KCNAB1: variants seen among roughly 807,000 people sequenced by gnomAD.
The protein encoded by KCNAB1 is voltage-gated potassium channel subunit beta-1.
KCNAB1 carries 35 observed loss-of-function variants against 64.6 expected under a neutral mutation model. The ratio of observed to expected loss-of-function variants is 0.54; its 90% CI spans 0.41 to 0.72. The LOEUF (loss-of-function observed/expected upper bound fraction) is 0.72. Among genes scored for constraint, KCNAB1 ranks in the 30% least tolerant of loss-of-function variants. KCNAB1 has a pLI of 0.00. For missense variants in KCNAB1, 401 were observed against 512.9 expected (o/e 0.78, Z 2.11); for synonymous variants, 177 against 183.8 (o/e 0.96, Z 0.30).
At chr3:156,285,159 G>C (rs574546754) in intron 1 of KCNAB1, among the ~76,000 whole-genome samples, 1 of 152,184 alleles carries the variant, frequency 6.6e-6, no homozygotes, top group Admixed American at 6.5e-5. Flanking sequence ...TAATATTAGT[G>C]ATATATAAAA....
intron 1 of KCNAB1, among the ~76,000 whole-genome samples, chr3:156,374,400 T>TC (rs1352234732): frequency 2.2e-5 from 3 of 137,888 alleles, no homozygotes; most frequent in East Asian, 1.9e-4. Context: ...CCTGAGCTAT[T>TC]TCAGTGTTGA....
chr3:156,127,402 A>G (rs971774034), intron 1 of KCNAB1, among the ~76,000 whole-genome samples: 3 of 152,358 alleles, frequency 2.0e-5, no homozygotes, highest in African/African-American at 7.2e-5. Flanking sequence ...GTCACATAGA[A>G]GTATTATTTT....
At chr3:156,122,241 T>C (rs1490659863) in intron 1 of KCNAB1, among the ~76,000 whole-genome samples, 1 of 152,240 alleles carries the variant, frequency 6.6e-6, no homozygotes, top group Non-Finnish European at 1.5e-5. Context: ...ATATCTCATA[T>C]TTCAAACTAT....
chr3:156,529,701 A>G (rs927923259), intron 12 of KCNAB1, among the ~76,000 whole-genome samples: 1 of 152,234 alleles, frequency 6.6e-6, no homozygotes, highest in Admixed American at 6.5e-5. Flanking sequence ...TAGGAGGAAT[A>G]ATCAACTGGA....
intron 1 of KCNAB1, among the ~76,000 whole-genome samples, chr3:156,344,357 G>C (rs1437684994): frequency 6.6e-6 from 1 of 152,080 alleles, no homozygotes; most frequent in Non-Finnish European, 1.5e-5. Flanking sequence ...CTCCTCGCCT[G>C]CCGAGAGCCA....
intron 8 of KCNAB1, among the ~76,000 whole-genome samples, chr3:156,482,659 CT>C (rs1714916249): frequency 1.3e-5 from 2 of 152,160 alleles, no homozygotes; most frequent in South Asian, 4.2e-4. Flanking sequence ...GCCAATTGAT[CT>C]TAGGCAAGTT....
intron 1 of KCNAB1, among the ~76,000 whole-genome samples, chr3:156,289,701 GTGAA>G (rs977875636): frequency 1.8e-4 from 27 of 152,322 alleles, no homozygotes; most frequent in African/African-American, 6.3e-4. Flanking sequence ...GTTGTGGAGA[GTGAA>G]TGATGAGATT....
chr3:156,213,404 G>C (rs912611434), intron 1 of KCNAB1, among the ~76,000 whole-genome samples: 3 of 152,106 alleles, frequency 2.0e-5, no homozygotes, highest in African/African-American at 7.2e-5. Flanking sequence ...TGTAGAGACA[G>C]GGTCTCACTA....
chr3:156,303,566 CA>C (rs946479900), intron 1 of KCNAB1, among the ~76,000 whole-genome samples: 3 of 152,138 alleles, frequency 2.0e-5, no homozygotes, highest in African/African-American at 7.2e-5. Flanking sequence ...GGAAGCAAAG[CA>C]TGGGTTAGAA....
chr3:156,472,028 G>T (rs543241928), intron 7 of KCNAB1, among the ~76,000 whole-genome samples: 21 of 152,256 alleles, frequency 1.4e-4, no homozygotes, highest in Non-Finnish European at 2.6e-4. Flanking sequence ...TCCTCTGAAT[G>T]CCAGACTGGT....
chr3:156,457,217 C>T, intron 3 of KCNAB1: 2 of 1,309,200 alleles, frequency 1.5e-6, no homozygotes, highest in Non-Finnish European at 2.0e-6. Flanking sequence ...CCACTTTGGG[C>T]AGGCTAAATC....
chr3:156,514,954 T>G, intron 9 of KCNAB1, 146 bp from the exon 10 acceptor site: 3 of 672,964 alleles, frequency 4.5e-6, no homozygotes, highest in Non-Finnish European at 6.9e-6. Flanking sequence ...AAATCGGTGG[T>G]GACAAATTTG....
At chr3:156,244,024 C>T (rs758945669) in intron 1 of KCNAB1, among the ~76,000 whole-genome samples, 1 of 152,224 alleles carries the variant, frequency 6.6e-6, no homozygotes, top group African/African-American at 2.4e-5. Context: ...TCCAGTCTTT[C>T]TGAACATTTC....
chr3:156,198,272 G>T (rs1714086961), intron 1 of KCNAB1, among the ~76,000 whole-genome samples: 1 of 152,148 alleles, frequency 6.6e-6, no homozygotes, highest in Admixed American at 6.5e-5. Flanking sequence ...CTGTTGCTTT[G>T]GGGTGGAGAG....
At chr3:156,205,100 C>T (rs1021533167) in intron 1 of KCNAB1, among the ~76,000 whole-genome samples, 1 of 152,008 alleles carries the variant, frequency 6.6e-6, no homozygotes, top group African/African-American at 2.4e-5. Flanking sequence ...TGTAAGAAGA[C>T]TTCTTTTCTT....
intron 1 of KCNAB1, among the ~76,000 whole-genome samples, chr3:156,390,457 G>A (rs944494683): frequency 6.6e-6 from 1 of 152,120 alleles, no homozygotes; most frequent in East Asian, 1.9e-4. Context: ...TTAGTTTAGA[G>A]TCTTAAAAAA....
chr3:156,127,525 T>C (rs1191134424), intron 1 of KCNAB1, among the ~76,000 whole-genome samples: 1 of 152,184 alleles, frequency 6.6e-6, no homozygotes, highest in Admixed American at 6.5e-5. Context: ...TTAGAGAAAA[T>C]GTTGGACCAC....
At chr3:156,390,795 C>T (rs1712985830) in intron 1 of KCNAB1, among the ~76,000 whole-genome samples, 1 of 152,084 alleles carries the variant, frequency 6.6e-6, no homozygotes, top group South Asian at 2.1e-4. Flanking sequence ...CCGTGTTAGC[C>T]AGGATGGTCT....
intron 1 of KCNAB1, among the ~76,000 whole-genome samples, chr3:156,294,662 T>C (rs1288496828): frequency 6.6e-6 from 1 of 152,186 alleles, no homozygotes; most frequent in East Asian, 1.9e-4. Context: ...GGGAAGATAA[T>C]TGGCTTAGGT....
Sources: gnomAD v4.1 joint callset for allele counts (sites outside exome capture counted in the v4.1 genomes callset) on GRCh38, gnomAD v4.1.1 for gene constraint, MANE v1.5 for transcripts, NCBI Gene and HGNC (gene_info 2026-07-23, HGNC 2026-07-21) for gene names.